GNS: variants seen among roughly 807,000 people sequenced by gnomAD.
GNS encodes N-acetylglucosamine-6-sulfatase.
In GNS, 40 loss-of-function variants were observed where a neutral mutation model predicts 69.7. The ratio of observed to expected loss-of-function variants is 0.57; its 90% CI spans 0.45 to 0.75. GNS has a LOEUF of 0.75. Ranked by LOEUF, GNS falls within the 30% of genes least tolerant of loss-of-function variation. The pLI, the probability that GNS is intolerant of heterozygous loss-of-function variation, is 0.00. For synonymous variants in GNS, 243 were observed against 251.6 expected (o/e 0.97, Z 0.32); for missense variants, 565 against 685.5 (o/e 0.82, Z 1.96).
At chr12:64,744,062 T>C (rs1373431212) in intron 5 of GNS, among the ~76,000 whole-genome samples, 3 of 152,132 alleles carry the variant, frequency 2.0e-5, no homozygotes, top group Non-Finnish European at 4.4e-5. Context: ...CTACTTACTA[T>C]TCCCTGACTC....
chr12:64,737,382 A>G (rs531223748), intron 8 of GNS, among the ~76,000 whole-genome samples: 1 of 152,362 alleles, frequency 6.6e-6, no homozygotes, highest in South Asian at 2.1e-4. Flanking sequence ...TGAAACACAA[A>G]TACATAAAAA....
rs1007186773 is a variant in GNS at position 64,739,490 on chromosome 12, A to C, written c.885T>G (p.Thr295=). 6.5e-7 allele frequency: 1 copy of C among 1,542,302 alleles called. No individual in the cohort carries two copies. Among genetic ancestry groups the C allele is most frequent in the East Asian group, 2.3e-5 (1 of 42,612 alleles). ...CCACAAGGTCATCAACTGAGAGGAG[A>C]GTTTGCCACCTGGATGTGAACAGAA... ...LDNAFRKRWQ[T]LLSVDDLVEK... is the part of the protein sequence containing the mutation. Residue 295 remains threonine, a synonymous_variant, in exon 8 of 14, where the codon ACT becomes ACG. Coordinates refer to ENST00000258145, the MANE Select transcript of GNS (RefSeq NM_002076.4).
intron 1 of GNS, 71 bp downstream of exon 1, chr12:64,759,014 C>G (rs1340813461): frequency 7.7e-7 from 1 of 1,293,242 alleles, no homozygotes. Context: ...TGGTGGGGAC[C>G]GGGAAAGAGA....
intron 8 of GNS, among the ~76,000 whole-genome samples, chr12:64,737,975 A>G (rs1869603800): frequency 6.6e-6 from 1 of 152,152 alleles, no homozygotes; most frequent in Non-Finnish European, 1.5e-5. Flanking sequence ...GTTAGGAGAT[A>G]CAAGAACTAA....
At chr12:64,748,315 C>A (rs1309689946) in intron 2 of GNS, among the ~76,000 whole-genome samples, 2 of 152,034 alleles carry the variant, frequency 1.3e-5, no homozygotes, top group African/African-American at 4.8e-5. Context: ...ATCCTCCCAC[C>A]TCAGCCTCCC....
intron 10 of GNS, 118 bp downstream of exon 10, chr12:64,728,838 C>A: frequency 1.5e-6 from 1 of 670,130 alleles, no homozygotes; most frequent in South Asian, 1.7e-5. Flanking sequence ...CTTCCCATCA[C>A]AAGATTTTCT....
At chr12:64,757,974 C>T (rs558559900) in intron 1 of GNS, among the ~76,000 whole-genome samples, 1 of 152,118 alleles carries the variant, frequency 6.6e-6, no homozygotes, top group Admixed American at 6.5e-5. Flanking sequence ...GGTTTTAAAG[C>T]GAAGAGAGGA....
chr12:64,758,367 G>T (rs955454523), intron 1 of GNS, among the ~76,000 whole-genome samples: 1 of 137,280 alleles, frequency 7.3e-6, no homozygotes, highest in Non-Finnish European at 1.5e-5. Flanking sequence ...TCTGTCGCCA[G>T]GCTGGAATGC....
intron 6 of GNS, among the ~76,000 whole-genome samples, chr12:64,742,336 A>G (rs1332845722): frequency 6.6e-6 from 1 of 152,210 alleles, no homozygotes; most frequent in Non-Finnish European, 1.5e-5. Flanking sequence ...CTAATTTAAA[A>G]CACAGTTCAC....
chr12:64,753,945 T>C (rs900224215), intron 1 of GNS, among the ~76,000 whole-genome samples: 1 of 152,164 alleles, frequency 6.6e-6, no homozygotes, highest in Non-Finnish European at 1.5e-5. Context: ...TCATGAGACA[T>C]TGGTTTGATA....
At position 64,721,693 on chromosome 12, in the gene GNS, C is replaced by T. The variant is rs1345511245; in HGVS notation, c.1321G>A (p.Asp441Asn). Residue 441 changes from aspartate to asparagine, a missense_variant, in exon 12 of 14, where the codon GAC becomes AAC. Coordinates refer to ENST00000258145, the MANE Select transcript of GNS (RefSeq NM_002076.4). ...TTATAAGCATCTTCACATACACAGTCTGGGAAGCATTGCTGTAGGGATATT... is the reference window on the plus strand; with the variant it reads ...TTATAAGCATCTTCACATACACAGTTTGGGAAGCATTGCTGTAGGGATATT... ...LSPGVSQCFP[D>N]CVCEDAYNNT... 2.0e-6 allele frequency: 3 copies of T among 1,514,476 alleles called. No individual in the cohort carries two copies. The highest frequency in any genetic ancestry group is 2.8e-6 in the Non-Finnish European group (3 of 1,088,936). 93.8% of individuals were successfully genotyped at this position (1,514,476 alleles called of 1,614,324 possible).
At chr12:64,738,917 T>C (rs966008501) in intron 8 of GNS, among the ~76,000 whole-genome samples, 9 of 152,062 alleles carry the variant, frequency 5.9e-5, no homozygotes, top group African/African-American at 2.2e-4. Flanking sequence ...GACATTTATA[T>C]ATGTGGAAAG....
rs1392319609 is a variant in GNS at position 64,739,829 on chromosome 12, T to C, written c.876-330A>G. On this transcript the variant is annotated intron_variant, in intron 7 of 13. Coordinates refer to ENST00000258145, the MANE Select transcript of GNS (RefSeq NM_002076.4). Reference sequence around the variant, plus strand: ...TAGCTTTACTTTTTATTGGCAATAGTGATGAGAGTAGAGACAATCGGAAGG... The same window carrying C: ...TAGCTTTACTTTTTATTGGCAATAGCGATGAGAGTAGAGACAATCGGAAGG... Among the ~76,000 whole-genome samples the C allele has an allele frequency of 2.6e-5, 4 of 152,214 alleles. 1 individual carries two copies. The highest frequency in any genetic ancestry group is 1.3e-4 in the Admixed American group (2 of 15,286).
chr12:64,720,802 T>C (rs577324217), intron 12 of GNS, among the ~76,000 whole-genome samples: 3 of 152,350 alleles, frequency 2.0e-5, no homozygotes, highest in Admixed American at 2.0e-4. Flanking sequence ...TGGAGTCAAA[T>C]GTGAGGCTAG....
Position 64,716,784 on chromosome 12 carries a change from C to T in GNS, c.1616G>A (p.Arg539His), listed in dbSNP as rs766615352. ...AAATCTTCGAGTCCTGACACTGCCG[C>T]GATTGCTGAACATGAGACGGGGGTC... is the stretch of plus-strand genomic sequence containing the variant. ...RFDPRLMFSN[R>H]GSVRTRRFSK... Residue 539 changes from arginine (R) to histidine (H), a missense_variant, in exon 14 of 14, where the codon CGC becomes CAC. Coordinates refer to ENST00000258145, the MANE Select transcript of GNS (RefSeq NM_002076.4). 72 of 1,613,360 alleles carry T rather than the reference C, an allele frequency of 4.5e-5. No individual in the cohort carries two copies. The highest frequency in any genetic ancestry group is 8.9e-5 in the East Asian group (4 of 44,882).
At chr12:64,719,948 C>T in intron 13 of GNS, 74 bp downstream of exon 13, 1 of 953,446 alleles carries the variant, frequency 1.0e-6, no homozygotes, top group East Asian at 2.4e-5. Context: ...GCAAAAAGGG[C>T]TCCCTTTGCC....
intron 3 of GNS, 51 bp downstream of exon 3, chr12:64,747,661 A>T (rs372981642): frequency 7.2e-6 from 7 of 973,054 alleles, no homozygotes; most frequent in African/African-American, 1.6e-5. Context: ...CATGAATTAT[A>T]TTCACATTTT....
chr12:64,752,959 T>C (rs1254541819), intron 1 of GNS: 4 of 590,120 alleles, frequency 6.8e-6, no homozygotes, highest in Non-Finnish European at 1.2e-5. Context: ...GTGCAGGAAG[T>C]CAAAATGCTT....
At chr12:64,758,967 C>G (rs976220981) in intron 1 of GNS, 118 bp downstream of exon 1, 1 of 883,430 alleles carries the variant, frequency 1.1e-6, no homozygotes. Flanking sequence ...AAAACCAAAC[C>G]TACCCAAGGA....
Sources: allele counts gnomAD v4.1 joint callset (sites outside exome capture counted in the v4.1 genomes callset), GRCh38; gene constraint gnomAD v4.1.1; transcripts MANE v1.5; gene names NCBI Gene and HGNC (gene_info 2026-07-23, HGNC 2026-07-21).